PCDHA7: variants seen among roughly 807,000 people sequenced by gnomAD.
The protein encoded by PCDHA7 is protocadherin alpha-7.
In PCDHA7, 37 loss-of-function variants were observed where a neutral mutation model predicts 57.2. That is an observed-to-expected ratio of 0.65 (90% CI 0.50 to 0.85). PCDHA7 has a LOEUF of 0.85. Ranked by LOEUF, PCDHA7 falls within the 40% of genes least tolerant of loss-of-function variation. PCDHA7 has a pLI of 0.00. For missense variants in PCDHA7, 1,188 were observed against 1,241.8 expected (o/e 0.96, Z 0.65); for synonymous variants, 553 against 558.8 (o/e 0.99, Z 0.15).
intron 1 of PCDHA7, among the ~76,000 whole-genome samples, chr5:140,902,415 G>T (rs887303649): frequency 1.3e-5 from 2 of 152,060 alleles, no homozygotes; most frequent in South Asian, 4.1e-4. Context: ...TTGAATAACA[G>T]TGGTGAAAGT....
intron 1 of PCDHA7, chr5:140,969,475 C>A: frequency 1.4e-6 from 2 of 1,476,386 alleles, no homozygotes; most frequent in South Asian, 1.4e-5. Context: ...ACAATTTGAT[C>A]ATAATCTGCT....
intron 1 of PCDHA7, among the ~76,000 whole-genome samples, chr5:140,963,621 T>C (rs1428734637): frequency 2.6e-5 from 4 of 152,334 alleles, no homozygotes; most frequent in African/African-American, 9.6e-5. Flanking sequence ...AGCTTAACTT[T>C]GTTGCATACG....
rs1554174004 is a variant in PCDHA7, at chr5:140,882,408, G to C, written c.2355+45670G>C. On this transcript the variant is annotated intron_variant, in intron 1 of 3. Coordinates refer to ENST00000525929, the MANE Select transcript of PCDHA7 (RefSeq NM_018910.3). Reference sequence around the variant, plus strand: ...GCAAAACACGGCACCTTCGTGGGCCGCATCGCTCAGGACCTGGGGCTGGAG... The same window carrying C: ...GCAAAACACGGCACCTTCGTGGGCCCCATCGCTCAGGACCTGGGGCTGGAG... The C allele has an allele frequency of 3.1e-6, 5 of 1,614,138 alleles. No homozygotes were observed. The highest frequency in any genetic ancestry group is 3.3e-5 in the Admixed American group (2 of 60,036).
At chr5:140,893,593 T>C (rs1433494751) in intron 1 of PCDHA7, among the ~76,000 whole-genome samples, 5 of 152,244 alleles carry the variant, frequency 3.3e-5, no homozygotes, top group African/African-American at 1.2e-4. Context: ...TGGGAAATAC[T>C]TTATTTCTCC....
In PCDHA7 at chr5:140,848,354, C is replaced by T. The variant is rs1427419086; in HGVS notation, c.2355+11616C>T. The T allele has an allele frequency of 5.9e-6, 6 of 1,023,948 alleles. No homozygotes were observed. In the East Asian group the frequency reaches 7.1e-5, roughly 12 times the overall value. The allele number at this position is 1,023,948 out of a possible 1,614,324, so 63.4% of individuals were successfully genotyped here. On this transcript the variant is annotated intron_variant, in intron 1 of 3. Transcript: ENST00000525929. Reference sequence around the variant, plus strand: ...AATCCAGACAAATACAGCCCTTTTCCCATGGGAAAGAGGCTCAATTCTTTT... The same window carrying T: ...AATCCAGACAAATACAGCCCTTTTCTCATGGGAAAGAGGCTCAATTCTTTT...
At chr5:140,851,222 T>A in intron 1 of PCDHA7, 1 of 1,140,378 alleles carries the variant, frequency 8.8e-7, no homozygotes, top group Non-Finnish European at 1.1e-6. Context: ...TTAACATCAC[T>A]ATCATTTATT....
At chr5:140,862,736 T>C in intron 1 of PCDHA7, 1 of 575,338 alleles carries the variant, frequency 1.7e-6, no homozygotes, top group South Asian at 1.4e-5. Flanking sequence ...TCTAGCTATG[T>C]GTGGGTGCAC....
intron 1 of PCDHA7, chr5:140,871,192 G>T (rs1582019516): frequency 2.5e-6 from 4 of 1,613,668 alleles, no homozygotes; most frequent in Non-Finnish European, 3.4e-6. Flanking sequence ...GGATGTCAAC[G>T]TGTACCTGAT....
chr5:140,908,604 C>T (rs1011069667), intron 1 of PCDHA7, among the ~76,000 whole-genome samples: 10 of 152,114 alleles, frequency 6.6e-5, no homozygotes, highest in African/African-American at 2.2e-4. Flanking sequence ...GATGGAAGGG[C>T]CTTGCTCCAA....
rs572273107 is a variant in PCDHA7, at chr5:140,941,410, G to A, written c.2356-37539G>A. 1.3e-4 allele frequency among the ~76,000 whole-genome samples: 19 copies of A among 147,656 alleles called. 1 individual carries two copies. In the South Asian group the frequency reaches 3.3e-3, roughly 26 times the overall value. ...TGGCTCACTGCAACCTCCGCCTCCC[G>A]GGTTCAAGCAATTCTCTGCCTCAGC... On this transcript the variant is annotated intron_variant, in intron 1 of 3. Transcript: ENST00000525929.
intron 2 of PCDHA7, among the ~76,000 whole-genome samples, chr5:140,979,370 G>A (rs1247964519): frequency 6.6e-6 from 1 of 150,650 alleles, no homozygotes; most frequent in Non-Finnish European, 1.5e-5. Context: ...TGAGACTTGG[G>A]TACATTGTGC....
In PCDHA7 at chr5:140,957,392, T is replaced by A. The variant is rs1035836709; in HGVS notation, c.2356-21557T>A. Among the ~76,000 whole-genome samples the A allele has an allele frequency of 2.6e-5, 4 of 152,222 alleles. No individual in the cohort carries two copies. In the East Asian group the frequency reaches 5.8e-4, roughly 22 times the overall value. ...TTATTATAGTGTATTGTTATAATTG[T>A]CCTAATTTATTATTATTGTTGTTAA... is the stretch of plus-strand genomic sequence containing the variant. On this transcript the variant is annotated intron_variant, in intron 1 of 3. Coordinates refer to ENST00000525929, the MANE Select transcript of PCDHA7 (RefSeq NM_018910.3).
At chr5:140,919,982 G>GA (rs35005979) in intron 1 of PCDHA7, among the ~76,000 whole-genome samples, 49,705 of 152,056 alleles carry the variant, frequency 0.33, 8,403 homozygotes, top group East Asian at 0.53. Flanking sequence ...GATAGAAGAT[G>GA]GAAAACAGAC....
chr5:140,983,005 A>AAAGG (rs1223217874), intron 3 of PCDHA7, among the ~76,000 whole-genome samples: 11 of 152,228 alleles, frequency 7.2e-5, no homozygotes, highest in African/African-American at 2.4e-4. Flanking sequence ...AAAGAAAGAA[A>AAAGG]AAGGAAGGAA....
intron 1 of PCDHA7, chr5:140,871,730 T>C: frequency 2.8e-6 from 2 of 714,038 alleles, no homozygotes; most frequent in Middle Eastern, 4.1e-4. Flanking sequence ...TAATATTTGG[T>C]TAGCAAATCC....
At chr5:140,840,903 C>A (rs933771737) in intron 1 of PCDHA7, among the ~76,000 whole-genome samples, 3 of 151,914 alleles carry the variant, frequency 2.0e-5, no homozygotes, top group Admixed American at 6.6e-5. Context: ...ACATACAGGT[C>A]ATACTTAAAT....
chr5:140,937,160 C>T lies in PCDHA7; in HGVS notation c.2356-41789C>T, dbSNP rs767846084. Among the ~76,000 whole-genome samples the T allele has an allele frequency of 1.0e-3, 155 of 151,762 alleles. 1 individual carries two copies. Among genetic ancestry groups the T allele is most frequent in the Admixed American group, 4.7e-3 (71 of 15,248 alleles). ...TCATGCCATTCTCCTGCCTCAGCCT[C>T]CCGAGTAGCTGGGACTACAGGCGCC... On this transcript the variant is annotated intron_variant, in intron 1 of 3. Coordinates refer to ENST00000525929, the MANE Select transcript of PCDHA7 (RefSeq NM_018910.3).
intron 1 of PCDHA7, chr5:140,862,727 C>G (rs1407282014): frequency 3.5e-6 from 2 of 570,998 alleles, no homozygotes; most frequent in African/African-American, 1.9e-5. Context: ...TGCGCGCTGT[C>G]TAGCTATGTG....
At chr5:140,966,831 G>A in intron 1 of PCDHA7, 1 of 1,563,110 alleles carries the variant, frequency 6.4e-7, no homozygotes, top group Non-Finnish European at 8.6e-7. Flanking sequence ...CCCATGCCCT[G>A]GCTGCTGCTA....
Sources: allele counts gnomAD v4.1 joint callset (sites outside exome capture counted in the v4.1 genomes callset), GRCh38; gene constraint gnomAD v4.1.1; transcripts MANE v1.5; gene names NCBI Gene and HGNC (gene_info 2026-07-23, HGNC 2026-07-21).